The following MARCHF10 variants were observed in gnomAD, a reference collection of about 807,000 sequenced individuals.
MARCHF10 encodes probable E3 ubiquitin-protein ligase MARCHF10.
Under a neutral mutation model 76.2 loss-of-function variants are expected in MARCHF10, and 64 were observed. The ratio of observed to expected loss-of-function variants is 0.84; its 90% confidence interval spans 0.69 to 1.03. The LOEUF (loss-of-function observed/expected upper bound fraction) is 1.03. MARCHF10 is among the 50% of genes least tolerant of loss of function. MARCHF10 has a pLI of 0.00. For synonymous variants in MARCHF10, 340 were observed against 357.5 expected (o/e 0.95, Z 0.55); for missense variants, 875 against 958.0 (o/e 0.91, Z 1.14).
chr17:62,751,827 C>G (rs1049494538), intron 4 of MARCHF10, among the ~76,000 whole-genome samples: 1 of 152,114 alleles, frequency 6.6e-6, no homozygotes, highest in Non-Finnish European at 1.5e-5. Flanking sequence ...TCGATACCAG[C>G]CTGGCCAACA....
intron 3 of MARCHF10, among the ~76,000 whole-genome samples, chr17:62,766,250 C>T (rs1474585642): frequency 6.6e-6 from 1 of 152,148 alleles, no homozygotes; most frequent in Non-Finnish European, 1.5e-5. Context: ...CCTGTAATCC[C>T]AGCACTTTGG....
At chr17:62,765,799 TA>T in intron 3 of MARCHF10, among the ~76,000 whole-genome samples, 1 of 152,246 alleles carries the variant, frequency 6.6e-6, no homozygotes, top group South Asian at 2.1e-4. Flanking sequence ...CGCTTCCAAA[TA>T]CTAGGGACAC....
At chr17:62,713,123 T>G (rs1193475096) in intron 8 of MARCHF10, among the ~76,000 whole-genome samples, 1 of 152,186 alleles carries the variant, frequency 6.6e-6, no homozygotes, top group Non-Finnish European at 1.5e-5. Flanking sequence ...CAACCACCTC[T>G]TCTGAGAAGC....
intron 2 of MARCHF10, among the ~76,000 whole-genome samples, chr17:62,799,917 A>T (rs1276534206): frequency 1.3e-5 from 2 of 152,042 alleles, no homozygotes; most frequent in African/African-American, 4.8e-5. Flanking sequence ...TTTCCTTCCG[A>T]TTGGGAAGCT....
chr17:62,755,914 G>A (rs2092026301), intron 4 of MARCHF10, among the ~76,000 whole-genome samples: 1 of 152,094 alleles, frequency 6.6e-6, no homozygotes, highest in South Asian at 2.1e-4. Context: ...AGGAGTTCAA[G>A]ACCAGCCTGG....
chr17:62,807,710 C>T (rs2093183947), intron 1 of MARCHF10, among the ~76,000 whole-genome samples: 1 of 151,992 alleles, frequency 6.6e-6, no homozygotes, highest in East Asian at 1.9e-4. Flanking sequence ...CTGCAGTGAG[C>T]CCTGACTGCA....
chr17:62,728,493 GCCACCTGTCACATGTGGAAA>G (rs1322595677), intron 6 of MARCHF10, among the ~76,000 whole-genome samples: 1 of 152,176 alleles, frequency 6.6e-6, no homozygotes, highest in Non-Finnish European at 1.5e-5. Context: ...ACAACTGGGG[GCCACCTGTCACATGTGGAAA>G]CCACCAGCAT....
chr17:62,793,767 A>G (rs2148166152), intron 2 of MARCHF10, among the ~76,000 whole-genome samples: 1 of 145,328 alleles, frequency 6.9e-6, no homozygotes, highest in South Asian at 2.2e-4. Flanking sequence ...CATCACCACC[A>G]CCACCTCCAT....
Position 62,737,276 on chromosome 17 carries a change from G to A in MARCHF10, c.592C>T (p.Gln198Ter). ...GATGGGACCAAGTTTCTTCTCTCTT[G>A]ATTTGGCCTCTTCAGCTTAGTGTTA... ...MCNTKLKRPN[Q>*]ERRNLVPSSQ... The change falls in exon 6 of 11, where the codon CAA becomes TAA. Residue 198 changes from glutamine (Q) to a stop codon, truncating the protein, a stop_gained. Transcript: ENST00000311269. LOFTEE classifies it high-confidence loss of function. 6.2e-7 allele frequency: 1 copy of A among 1,613,728 alleles called. No homozygotes were observed. Among genetic ancestry groups the A allele is most frequent in the Non-Finnish European group, 8.5e-7 (1 of 1,179,956 alleles).
rs762697922 is a variant in MARCHF10, at chr17:62,736,773, CT to C, written c.1094del (p.Glu365GlyfsTer80). The C allele has an allele frequency of 8.7e-6, 14 of 1,614,088 alleles. No individual in the cohort carries two copies. The African/African-American group carries it at 1.7e-4, about 20-fold the overall frequency. ...ACAACCTTTGCCCAGCAGAAGGCCG[CT>C]CTGTTGCTGGCTCCATTGCATTGCT... The part of the protein sequence containing the change: ...RISNAMEPAT[E>X]RPSAGQRLSQ... On this transcript the variant is annotated frameshift_variant, in exon 6 of 11. Coordinates refer to ENST00000311269, the MANE Select transcript of MARCHF10 (RefSeq NM_152598.4). LOFTEE classifies it high-confidence loss of function.
chr17:62,756,232 G>C (rs1378721368), intron 4 of MARCHF10, among the ~76,000 whole-genome samples: 1 of 152,082 alleles, frequency 6.6e-6, no homozygotes, highest in Non-Finnish European at 1.5e-5. Context: ...TGGGCAACAA[G>C]AGTGAAACTC....
chr17:62,786,271 C>G (rs1386253527), intron 3 of MARCHF10, among the ~76,000 whole-genome samples: 1 of 151,732 alleles, frequency 6.6e-6, no homozygotes, highest in African/African-American at 2.4e-5. Flanking sequence ...TCTGAGCAAA[C>G]TATCACAAGG....
chr17:62,701,634 G>A lies in MARCHF10; in HGVS notation c.*69C>T, dbSNP rs373967735. 6 of 1,611,590 alleles carry A rather than the reference G, an allele frequency of 3.7e-6. No individual in the cohort carries two copies. The highest frequency in any genetic ancestry group is 3.3e-4 in the Middle Eastern group (2 of 6,050). On this transcript the variant is annotated 3_prime_UTR_variant, in exon 11 of 11. Coordinates refer to ENST00000311269, the MANE Select transcript of MARCHF10 (RefSeq NM_152598.4). ...TCAGTAAAGAGGAGGAGGGAGGGAG[G>A]CACTTGGGGACGTAGAAAGAAGGGC...
At chr17:62,750,904 C>T (rs962355809) in intron 4 of MARCHF10, among the ~76,000 whole-genome samples, 4 of 152,192 alleles carry the variant, frequency 2.6e-5, no homozygotes, top group Non-Finnish European at 1.5e-5. Context: ...GATGGCGCCC[C>T]GCAGGGTCTC....
At position 62,749,282 on chromosome 17, in the gene MARCHF10, G is replaced by A. The variant is rs183223492; in HGVS notation, c.383-4754C>T. 4.1e-3 allele frequency among the ~76,000 whole-genome samples: 626 copies of A among 152,288 alleles called. 2 individuals are homozygous for A. The highest frequency in any genetic ancestry group is 7.4e-3 in the Non-Finnish European group (500 of 68,016). On this transcript the variant is annotated intron_variant, in intron 4 of 10. Coordinates refer to ENST00000311269, the MANE Select transcript of MARCHF10 (RefSeq NM_152598.4). ...GAACCAAGTCCATTCAGCTGTTCAC[G>A]TTCGGCTCTTCCCAACACTTGTCAT... is the stretch of plus-strand genomic sequence containing the variant.
intron 8 of MARCHF10, among the ~76,000 whole-genome samples, chr17:62,719,736 T>C (rs1453302281): frequency 6.6e-6 from 1 of 152,240 alleles, no homozygotes; most frequent in African/African-American, 2.4e-5. Flanking sequence ...CAGTCATTAT[T>C]GCTTCAAATA....
intron 2 of MARCHF10, among the ~76,000 whole-genome samples, chr17:62,789,089 A>C (rs1326394663): frequency 1.3e-4 from 20 of 150,790 alleles, no homozygotes; most frequent in Admixed American, 1.3e-3. Context: ...AAAAAAAAAA[A>C]AAAAACGCAG....
At chr17:62,770,543 C>CTTTTT (rs35664995) in intron 3 of MARCHF10, among the ~76,000 whole-genome samples, 5 of 136,536 alleles carry the variant, frequency 3.7e-5, no homozygotes, top group Admixed American at 1.5e-4. Flanking sequence ...TGTATTTTGA[C>CTTTTT]TTTTTTTTTT....
chr17:62,715,866 A>G (rs1281304087), intron 8 of MARCHF10, among the ~76,000 whole-genome samples: 1 of 152,112 alleles, frequency 6.6e-6, no homozygotes, highest in Non-Finnish European at 1.5e-5. Flanking sequence ...CCCTGCTCCC[A>G]CCAGAAGTAC....
Sources: allele counts gnomAD v4.1 joint callset (sites outside exome capture counted in the v4.1 genomes callset), GRCh38; gene constraint gnomAD v4.1.1; transcripts MANE v1.5; gene names NCBI Gene and HGNC (gene_info 2026-07-23, HGNC 2026-07-21).